The following COL18A1 variants were observed in gnomAD, a reference collection of about 807,000 sequenced individuals.
COL18A1 encodes collagen alpha-1(XVIII) chain.
A neutral mutation model predicts 168.0 loss-of-function variants in COL18A1; 133 were observed. The ratio of observed to expected loss-of-function variants is 0.79; its 90% CI spans 0.69 to 0.91. The LOEUF (loss-of-function observed/expected upper bound fraction) is 0.91, where lower values mean the gene tolerates loss of function less well. COL18A1 is among the 40% of genes least tolerant of loss of function. The pLI, the probability that COL18A1 is intolerant of heterozygous loss-of-function variation, is 0.00. For missense variants in COL18A1, 2,126 were observed against 1,925.4 expected (o/e 1.10, Z -1.95); for synonymous variants, 949 against 809.0 (o/e 1.17, Z -2.94).
intron 20 of COL18A1, among the ~76,000 whole-genome samples, chr21:45,490,579 C>CCTGGGCCTTCGTGTGCCCTCCCGGGTCT (rs1568921899): frequency 7.5e-6 from 1 of 133,230 alleles, no homozygotes; most frequent in African/African-American, 2.9e-5. Context: ...CTCTCAGGTC[C>CCTGGGCCTTCGTGTGCCCTCCCGGGTCT]CTGGGCCTCC....
Position 45,487,429 on chromosome 21 carries a change from C to G in COL18A1, c.1834-18C>G. 1 of 1,612,288 alleles carries G rather than the reference C, an allele frequency of 6.2e-7. No homozygotes were observed. Among genetic ancestry groups the G allele is most frequent in the Non-Finnish European group, 8.5e-7 (1 of 1,179,890 alleles). On this transcript the variant is annotated intron_variant, in intron 16 of 41. Transcript: ENST00000651438. ...AGAAGGGACACAGGCCCCTACGTGT[C>G]TCGTGTGTCTCTTCCAGGATGACAT...
intron 18 of COL18A1, among the ~76,000 whole-genome samples, chr21:45,488,851 C>T (rs1032280091): frequency 6.6e-6 from 1 of 152,082 alleles, no homozygotes; most frequent in Non-Finnish European, 1.5e-5. Context: ...GAGCTTTGTC[C>T]TCTGCTCCCC....
At chr21:45,410,677 T>C (rs1464333811) in intron 2 of COL18A1, among the ~76,000 whole-genome samples, 2 of 152,246 alleles carry the variant, frequency 1.3e-5, no homozygotes, top group African/African-American at 2.4e-5. Context: ...TGCTTAGAGA[T>C]TGTGAGACAG....
intron 2 of COL18A1, chr21:45,421,468 G>A (rs776393721): frequency 1.9e-6 from 1 of 534,502 alleles, no homozygotes; most frequent in African/African-American, 1.9e-5. Context: ...CGTCTCAGGA[G>A]CGGAGCAGGA....
At chr21:45,487,699 A>C in intron 17 of COL18A1, 190 bp downstream of exon 17, 1 of 737,914 alleles carries the variant, frequency 1.4e-6, no homozygotes, top group Non-Finnish European at 2.4e-6. Flanking sequence ...CCTTCATTGA[A>C]CTAAAGTCAC....
In COL18A1 at chr21:45,496,379, C is replaced by T. The variant is rs757866595; in HGVS notation, c.2509-121C>T. On this transcript the variant is annotated intron_variant, in intron 29 of 41. Transcript: ENST00000651438. ...GTGACCCACTGCATTCTCGGTTTTG[C>T]CTGGTCAGAGGTCTGCCTGGTCAGG... 30 of 767,260 alleles carry T rather than the reference C, an allele frequency of 3.9e-5. 1 individual carries two copies. The Middle Eastern group carries it at 6.6e-3, about 168-fold the overall frequency. The allele number at this position is 767,260 out of a possible 1,614,324, so 47.5% of individuals were successfully genotyped here. A position where few individuals can be genotyped will look rare whatever the true frequency, so the allele number is the denominator to read the frequency against.
At chr21:45,506,992 C>G in intron 37 of COL18A1, 2 of 285,194 alleles carry the variant, frequency 7.0e-6, no homozygotes, top group South Asian at 3.2e-5. Context: ...GGATGCAGCC[C>G]CATCCTAACT....
At chr21:45,440,184 G>A (rs994503806) in intron 2 of COL18A1, among the ~76,000 whole-genome samples, 20 of 152,242 alleles carry the variant, frequency 1.3e-4, no homozygotes, top group African/African-American at 4.6e-4. Context: ...TGACTGCTCC[G>A]CACCAGCTCA....
At chr21:45,502,529 G>A (rs1309633767) in intron 32 of COL18A1, 1 of 152,216 alleles carries the variant, frequency 6.6e-6, no homozygotes, top group African/African-American at 2.4e-5. Context: ...AAGAGAAATT[G>A]CGTATGTTTT....
At chr21:45,438,262 T>A (rs867057220) in intron 2 of COL18A1, among the ~76,000 whole-genome samples, 21 of 39,680 alleles carry the variant, frequency 5.3e-4, no homozygotes, top group African/African-American at 1.0e-3. Context: ...ACACACACAC[T>A]CACACTCAGA....
In COL18A1 at chr21:45,505,959, A is replaced by G. The variant is rs759418581; in HGVS notation, c.3209A>G (p.Lys1070Arg). 8.7e-6 allele frequency: 14 copies of G among 1,613,056 alleles called. No individual in the cohort carries two copies. In the South Asian group the frequency reaches 1.4e-4, roughly 16 times the overall value. The change falls in exon 37 of 42, where the codon AAG (lysine) becomes AGG (arginine). Residue 1070 changes from lysine (K) to arginine (R), a missense_variant. Coordinates refer to ENST00000651438, the MANE Select transcript of COL18A1 (RefSeq NM_001379500.1). ...LYVRVQNGFRKVQLEARTPLP... is the reference protein window; with the variant it reads ...LYVRVQNGFRRVQLEARTPLP... ...GTCCGCGTGCAGAACGGGTTCCGGAAGGTCCAGGTGAGCGCTCTGTGTGAC... is the reference window on the plus strand; with the variant it reads ...GTCCGCGTGCAGAACGGGTTCCGGAGGGTCCAGGTGAGCGCTCTGTGTGAC...
chr21:45,460,260 G>A (rs2034997523), intron 2 of COL18A1, among the ~76,000 whole-genome samples: 1 of 152,234 alleles, frequency 6.6e-6, no homozygotes, highest in South Asian at 2.1e-4. Flanking sequence ...GCCATCTGAT[G>A]AGGGCAGGGA....
At chr21:45,434,848 G>A (rs747525023) in intron 2 of COL18A1, among the ~76,000 whole-genome samples, 1 of 152,214 alleles carries the variant, frequency 6.6e-6, no homozygotes, top group Non-Finnish European at 1.5e-5. Context: ...GGGCTGTGCT[G>A]GGGTCTCTCT....
rs917935351 is a variant in COL18A1 at position 45,457,098 on chromosome 21, G to A, written c.107-11144G>A. The stretch of plus-strand genomic sequence containing the variant: ...GAAGAGGGCTGGATGAACCGCAGCC[G>A]ATGTGTCCAGGTGCCACCTGGGCCT... On this transcript the variant is annotated intron_variant, in intron 2 of 41. Transcript: ENST00000651438. This position sits in a 1 kb window ranked among gnomAD's most constrained non-coding sequence, Gnocchi z 4.6. Among the ~76,000 whole-genome samples the A allele has an allele frequency of 7.2e-5, 11 of 152,082 alleles. No individual in the cohort carries two copies. Among genetic ancestry groups the A allele is most frequent in the Admixed American group, 4.6e-4 (7 of 15,288 alleles).
In COL18A1 at chr21:45,510,198, G is replaced by A. The variant is rs368134801; in HGVS notation, c.3630G>A (p.Leu1210=). The change falls in exon 40 of 42, where the codon CTG becomes CTA. Residue 1210 remains leucine, a synonymous_variant. Coordinates refer to ENST00000651438, the MANE Select transcript of COL18A1 (RefSeq NM_001379500.1). ...GTFRAFLSSR[L]QDLYSIVRRA... is the part of the protein sequence containing the mutation. ...TCCGCGCCTTCCTGTCCTCGCGCCT[G>A]CAGGACCTGTACAGCATCGTGCGCC... The A allele has an allele frequency of 6.5e-5, 104 of 1,601,760 alleles. 1 individual carries two copies. Among genetic ancestry groups the A allele is most frequent in the Middle Eastern group, 1.7e-4 (1 of 6,060 alleles).
rs1241419372 is a variant in COL18A1, at chr21:45,505,900, G to A, written c.3150G>A (p.Trp1050Ter). 10 of 1,612,726 alleles carry A rather than the reference G, an allele frequency of 6.2e-6. No homozygotes were observed. Among genetic ancestry groups the A allele is most frequent in the Non-Finnish European group, 8.5e-6 (10 of 1,179,974 alleles). The change falls in exon 37 of 42, where the codon TGG (tryptophan) becomes TGA (stop). Residue 1050 changes from tryptophan to a stop codon, truncating the protein, a stop_gained. Transcript: ENST00000651438. LOFTEE classifies it high-confidence loss of function. ...LGQVHEVPEG[W>*]LIFVAEQEEL... The stretch of plus-strand genomic sequence containing the variant: ...AGGTGCACGAGGTTCCCGAGGGCTG[G>A]CTCATCTTCGTGGCCGAGCAGGAGG...
chr21:45,467,689 G>T (rs776245187), intron 2 of COL18A1, among the ~76,000 whole-genome samples: 24 of 152,198 alleles, frequency 1.6e-4, no homozygotes, highest in Non-Finnish European at 2.9e-4. Context: ...CCTTCCCTGT[G>T]GTGGAACTGT....
At chr21:45,494,714 C>A in intron 27 of COL18A1, 143 bp downstream of exon 27, 1 of 1,361,690 alleles carries the variant, frequency 7.3e-7, no homozygotes, top group Non-Finnish European at 1.0e-6. Flanking sequence ...GGGCAGGTGT[C>A]GGCGTGAGGC....
intron 2 of COL18A1, among the ~76,000 whole-genome samples, chr21:45,460,471 C>T (rs916995438): frequency 2.0e-5 from 3 of 152,172 alleles, no homozygotes; most frequent in Non-Finnish European, 2.9e-5. Flanking sequence ...ACTGGACATT[C>T]GGAGGTCAGT....
Sources: allele counts gnomAD v4.1 joint callset (sites outside exome capture counted in the v4.1 genomes callset), GRCh38; gene constraint gnomAD v4.1.1; non-coding constraint Gnocchi (gnomAD v3.1); transcripts MANE v1.5; gene names NCBI Gene and HGNC (gene_info 2026-07-23, HGNC 2026-07-21).